TMEM117: variants seen among roughly 807,000 people sequenced by gnomAD.
TMEM117 encodes transmembrane protein 117.
In TMEM117, 27 loss-of-function variants were observed where a neutral mutation model predicts 52.4. That is an observed-to-expected ratio of 0.51 (90% CI 0.38 to 0.71). TMEM117 has a LOEUF of 0.71. TMEM117 is among the 30% of genes least tolerant of loss of function. The pLI, the probability that TMEM117 is intolerant of heterozygous loss-of-function variation, is 0.00. For synonymous variants in TMEM117, 215 were observed against 206.3 expected (o/e 1.04, Z -0.36); for missense variants, 556 against 630.5 (o/e 0.88, Z 1.26).
At chr12:43,848,401 G>C (rs1943248530) in intron 2 of TMEM117, among the ~76,000 whole-genome samples, 1 of 152,034 alleles carries the variant, frequency 6.6e-6, no homozygotes, top group African/African-American at 2.4e-5. Flanking sequence ...GCCGTTTATA[G>C]ACCTCCCCCC....
intron 5 of TMEM117, among the ~76,000 whole-genome samples, chr12:44,290,245 A>G (rs1358712252): frequency 6.6e-6 from 1 of 151,954 alleles, no homozygotes; most frequent in Non-Finnish European, 1.5e-5. Context: ...CCGTTTGCTT[A>G]TTTTTATTTT....
intron 2 of TMEM117, among the ~76,000 whole-genome samples, chr12:43,883,761 C>A (rs1357626491): frequency 2.1e-4 from 30 of 140,456 alleles, no homozygotes; most frequent in African/African-American, 3.3e-4. Context: ...GTATGAAAGA[C>A]AAAAAAAAAA....
intron 5 of TMEM117, among the ~76,000 whole-genome samples, chr12:44,294,978 TACTGTAA>T (rs1950748888): frequency 6.6e-6 from 1 of 152,218 alleles, no homozygotes; most frequent in African/African-American, 2.4e-5. Context: ...AAAGGGGAAC[TACTGTAA>T]TGTGTCTCAG....
At chr12:44,337,295 G>A (rs1407736660) in intron 6 of TMEM117, among the ~76,000 whole-genome samples, 1 of 152,016 alleles carries the variant, frequency 6.6e-6, no homozygotes, top group African/African-American at 2.4e-5. Flanking sequence ...AGTAGAAGGA[G>A]CAGAAGAACT....
At chr12:44,311,825 A>T (rs1444773289) in intron 6 of TMEM117, among the ~76,000 whole-genome samples, 1 of 108,366 alleles carries the variant, frequency 9.2e-6, no homozygotes, top group African/African-American at 4.4e-5. Flanking sequence ...ATATATATGT[A>T]TATATGTATA....
chr12:44,079,832 G>A (rs55950371), intron 3 of TMEM117, among the ~76,000 whole-genome samples: 34,961 of 151,426 alleles, frequency 0.23, 6,824 homozygotes, highest in African/African-American at 0.54. Context: ...CCTGGCCAAC[G>A]TGGTGAAACC....
chr12:43,924,899 G>C (rs961765110), intron 2 of TMEM117, among the ~76,000 whole-genome samples: 10 of 152,152 alleles, frequency 6.6e-5, no homozygotes, highest in African/African-American at 2.4e-4. Context: ...TCTCTCATGA[G>C]GTTGTTGTGA....
chr12:44,338,513 G>T (rs935208635), intron 6 of TMEM117, among the ~76,000 whole-genome samples: 1 of 151,622 alleles, frequency 6.6e-6, no homozygotes, highest in Non-Finnish European at 1.5e-5. Context: ...TGGAAAATAG[G>T]CCTGAAAGTA....
chr12:43,918,212 T>A (rs1227903997), intron 2 of TMEM117, among the ~76,000 whole-genome samples: 1 of 152,124 alleles, frequency 6.6e-6, no homozygotes, highest in Non-Finnish European at 1.5e-5. Context: ...CCTGGAACAG[T>A]TCTTTTTTTC....
chr12:44,107,448 C>T lies in TMEM117; in HGVS notation c.411-36077C>T, dbSNP rs572009030. ...AATAAAAATTCACTTAGAACCTAGA[C>T]TCTTCGTGCTTTATTGCACAGTGGT... is the stretch of plus-strand genomic sequence containing the variant. On this transcript the variant is annotated intron_variant, in intron 3 of 7. Coordinates refer to ENST00000266534, the MANE Select transcript of TMEM117 (RefSeq NM_032256.3). 2.4e-3 allele frequency among the ~76,000 whole-genome samples: 361 copies of T among 152,192 alleles called. 4 individuals carry two copies. The highest frequency in any genetic ancestry group is 7.9e-3 in the African/African-American group (330 of 41,544).
chr12:43,874,423 G>A (rs1000038260), intron 2 of TMEM117, among the ~76,000 whole-genome samples: 1 of 77,336 alleles, frequency 1.3e-5, no homozygotes, highest in African/African-American at 3.0e-5. Flanking sequence ...CCTACTAAAA[G>A]TACAAAAAAA....
intron 3 of TMEM117, among the ~76,000 whole-genome samples, chr12:44,013,751 C>T (rs961391336): frequency 6.6e-6 from 1 of 151,930 alleles, no homozygotes; most frequent in African/African-American, 2.4e-5. Flanking sequence ...AGCATTGGTT[C>T]CTGAAGAGGT....
chr12:44,069,737 TTGTC>T lies in TMEM117; in HGVS notation c.411-73784_411-73781del, dbSNP rs1947273143. 3.3e-5 allele frequency among the ~76,000 whole-genome samples: 5 copies of T among 152,336 alleles called. No individual in the cohort carries two copies. In the South Asian group the frequency reaches 1.0e-3, roughly 32 times the overall value. On this transcript the variant is annotated intron_variant, in intron 3 of 7. Transcript: ENST00000266534. ...TTCTATCCCTATTTCAGGAATATAT[TTGTC>T]TGTAAGCAACAAAATATCTGACTAA... is the stretch of plus-strand genomic sequence containing the variant.
chr12:43,932,664 A>C (rs528001926), intron 2 of TMEM117, among the ~76,000 whole-genome samples: 1 of 152,326 alleles, frequency 6.6e-6, no homozygotes, highest in Non-Finnish European at 1.5e-5. Flanking sequence ...GTTGAAATAC[A>C]TTATTCTTGG....
chr12:43,805,264 A>G, the TMEM117 span, among the ~76,000 whole-genome samples: 1 of 152,256 alleles, frequency 6.6e-6, no homozygotes, highest in Non-Finnish European at 1.5e-5. Flanking sequence ...ATGAGAGTCA[A>G]TAACTACATA....
At chr12:44,240,783 A>G (rs1950051893) in intron 5 of TMEM117, among the ~76,000 whole-genome samples, 1 of 152,074 alleles carries the variant, frequency 6.6e-6, no homozygotes, top group Admixed American at 6.6e-5. Context: ...ATTAATACCA[A>G]TTTAAGTTGT....
the TMEM117 span, among the ~76,000 whole-genome samples, chr12:43,810,256 T>A: frequency 6.6e-6 from 1 of 152,184 alleles, no homozygotes; most frequent in East Asian, 1.9e-4. Flanking sequence ...TAACATGTCA[T>A]GTGGGGTAGG....
intron 6 of TMEM117, among the ~76,000 whole-genome samples, chr12:44,371,264 T>C (rs1195244512): frequency 6.6e-6 from 1 of 152,176 alleles, no homozygotes; most frequent in Admixed American, 6.6e-5. Context: ...TAGATCTAAA[T>C]TCAGTTATGA....
chr12:43,954,799 TG>T (rs1945281365), intron 3 of TMEM117, among the ~76,000 whole-genome samples: 1 of 152,196 alleles, frequency 6.6e-6, no homozygotes, highest in Non-Finnish European at 1.5e-5. Context: ...AGCATCATCC[TG>T]ATACAAAAAC....
Sources: gnomAD v4.1 joint callset for allele counts (sites outside exome capture counted in the v4.1 genomes callset) on GRCh38, gnomAD v4.1.1 for gene constraint, MANE v1.5 for transcripts, NCBI Gene and HGNC (gene_info 2026-07-23, HGNC 2026-07-21) for gene names.